The following SVOP variants were observed in gnomAD, a reference collection of about 807,000 sequenced individuals.
The protein encoded by SVOP is SV2 related protein, also known as synaptic vesicle 2-related protein.
Under a neutral mutation model 69.1 loss-of-function variants are expected in SVOP, and 17 were observed. The ratio of observed to expected loss-of-function variants is 0.25; its 90% CI spans 0.17 to 0.37. The LOEUF is 0.37. Among genes scored for constraint, SVOP ranks in the 10% least tolerant of loss-of-function variants. The pLI is 1.00. For synonymous variants in SVOP, 238 were observed against 238.6 expected (o/e 1.00, Z 0.02); for missense variants, 435 against 597.5 (o/e 0.73, Z 2.84).
chr12:108,969,083 C>A (rs36197215), intron 5 of SVOP, among the ~76,000 whole-genome samples: 23,600 of 151,846 alleles, frequency 0.16, 2,227 homozygotes, highest in African/African-American at 0.25. Flanking sequence ...CCACTCCTGG[C>A]CTCCTTTGAT....
At chr12:108,988,088 AT>A (rs76929861) in intron 1 of SVOP, among the ~76,000 whole-genome samples, 5 of 150,438 alleles carry the variant, frequency 3.3e-5, no homozygotes, top group Non-Finnish European at 7.4e-5. Flanking sequence ...TGCCTGACTA[AT>A]TTTTTTTTCT....
At chr12:108,940,296 G>C (rs959235345) in intron 8 of SVOP, among the ~76,000 whole-genome samples, 1 of 152,140 alleles carries the variant, frequency 6.6e-6, no homozygotes, top group African/African-American at 2.4e-5. Flanking sequence ...TCAAGCATGT[G>C]CCCATGAAAT....
At chr12:108,937,008 G>A in intron 10 of SVOP, 1 of 460,630 alleles carries the variant, frequency 2.2e-6, no homozygotes, top group Non-Finnish European at 4.0e-6. Context: ...GCTGCAGTAA[G>A]CTAGGAGAGC....
At chr12:108,985,088 A>G (rs1382403583) in intron 1 of SVOP, among the ~76,000 whole-genome samples, 8 of 151,962 alleles carry the variant, frequency 5.3e-5, no homozygotes, top group African/African-American at 1.7e-4. Flanking sequence ...TTAGTTGGAC[A>G]TGGTGGTGTG....
chr12:108,970,760 A>G lies in SVOP; in HGVS notation c.453+1645T>C, dbSNP rs565352591. Among the ~76,000 whole-genome samples the G allele has an allele frequency of 3.9e-5, 6 of 152,304 alleles. No individual in the cohort carries two copies. The South Asian group carries it at 1.2e-3, about 32-fold the overall frequency. ...ATTCACACAGTGGCTCACATCTGTAATCCCAGCACTTTGGGAGGCTGAGGT... is the reference window on the plus strand; with the variant it reads ...ATTCACACAGTGGCTCACATCTGTAGTCCCAGCACTTTGGGAGGCTGAGGT... On this transcript the variant is annotated intron_variant, in intron 5 of 15. Coordinates refer to ENST00000610966, the MANE Select transcript of SVOP (RefSeq NM_018711.5).
intron 6 of SVOP, among the ~76,000 whole-genome samples, chr12:108,946,901 G>A (rs991860543): frequency 2.0e-5 from 3 of 151,606 alleles, no homozygotes; most frequent in Admixed American, 1.3e-4. Context: ...GTATTTTTTG[G>A]TAGAGACGGG....
At chr12:108,931,893 A>G (rs1016249672) in intron 11 of SVOP, among the ~76,000 whole-genome samples, 5 of 152,120 alleles carry the variant, frequency 3.3e-5, no homozygotes, top group Non-Finnish European at 7.4e-5. Flanking sequence ...TGGAGAGCCA[A>G]CTTGGTCCTC....
At chr12:108,974,057 T>A (rs988698972) in intron 4 of SVOP, among the ~76,000 whole-genome samples, 2 of 152,224 alleles carry the variant, frequency 1.3e-5, no homozygotes, top group Middle Eastern at 3.2e-3. Flanking sequence ...ACACGCAATT[T>A]GGAGAGCGTT....
Position 108,912,112 on chromosome 12 carries a change from C to A in SVOP, c.*423G>T. The A allele has an allele frequency of 1.1e-6, 1 of 917,220 alleles. No individual in the cohort carries two copies. The highest frequency in any genetic ancestry group is 1.3e-6 in the Non-Finnish European group (1 of 761,292). 56.8% of individuals were successfully genotyped at this position (917,220 alleles called of 1,614,324 possible). A position where few individuals can be genotyped will look rare whatever the true frequency, so the allele number is the denominator to read the frequency against. ...CCTGGGGCTGTGAGTGTGGGAGAAA[C>A]CTACTGAACAGGTCCGGTGGGTGGA... On this transcript the variant is annotated 3_prime_UTR_variant, in exon 16 of 16. Coordinates refer to ENST00000610966, the MANE Select transcript of SVOP (RefSeq NM_018711.5).
chr12:109,005,197 G>C (rs2040299121), intron 1 of SVOP, among the ~76,000 whole-genome samples: 1 of 152,186 alleles, frequency 6.6e-6, no homozygotes, highest in Admixed American at 6.5e-5. Flanking sequence ...TGGTCCATCG[G>C]AGTAGACAAG....
At chr12:108,997,621 G>T (rs1181676254) in intron 1 of SVOP, among the ~76,000 whole-genome samples, 1 of 151,534 alleles carries the variant, frequency 6.6e-6, no homozygotes. Context: ...TCTGAGAACG[G>T]GCAGACTGCC....
intron 3 of SVOP, chr12:108,978,295 ACAT>A: frequency 2.8e-6 from 1 of 362,342 alleles, no homozygotes; most frequent in South Asian, 4.7e-5. Flanking sequence ...TCTACAGCTG[ACAT>A]CATAATCTCA....
chr12:108,990,660 AAAAATAAAAT>A (rs201104613), intron 1 of SVOP, among the ~76,000 whole-genome samples: 42 of 150,884 alleles, frequency 2.8e-4, no homozygotes, highest in Non-Finnish European at 4.3e-4. Flanking sequence ...AAGTATAATA[AAAAATAAAAT>A]AAAATAAAAT....
intron 1 of SVOP, among the ~76,000 whole-genome samples, chr12:109,013,877 T>G (rs1160412142): frequency 2.0e-5 from 3 of 152,192 alleles, no homozygotes; most frequent in Non-Finnish European, 4.4e-5. Context: ...AACCACCATT[T>G]TACTTTCTGT....
chr12:108,986,979 T>C (rs895720717), intron 1 of SVOP, among the ~76,000 whole-genome samples: 2 of 152,212 alleles, frequency 1.3e-5, no homozygotes, highest in Non-Finnish European at 2.9e-5. Context: ...ATTCTTTTTC[T>C]ACTGTGGTAA....
At chr12:108,943,918 G>A (rs1467617555) in intron 7 of SVOP, among the ~76,000 whole-genome samples, 1 of 149,120 alleles carries the variant, frequency 6.7e-6, no homozygotes, top group Non-Finnish European at 1.5e-5. Context: ...GTCTTGCTCT[G>A]TCGCCTAGGC....
At chr12:108,961,642 T>A (rs1173437136) in intron 5 of SVOP, among the ~76,000 whole-genome samples, 2 of 152,174 alleles carry the variant, frequency 1.3e-5, no homozygotes, top group African/African-American at 4.8e-5. Flanking sequence ...GGTTTATCTA[T>A]GAATACACTG....
chr12:109,011,268 A>G (rs973156660), intron 1 of SVOP, among the ~76,000 whole-genome samples: 2 of 150,198 alleles, frequency 1.3e-5, no homozygotes, highest in African/African-American at 4.9e-5. Flanking sequence ...TGAAACACAC[A>G]TTTCTTAAGT....
chr12:108,985,314 AAAAAAGG>A (rs2040160909), intron 1 of SVOP, among the ~76,000 whole-genome samples: 1 of 70,416 alleles, frequency 1.4e-5, no homozygotes, highest in Non-Finnish European at 3.0e-5. Flanking sequence ...AGAAAGAAAT[AAAAAAGG>A]AAGGAAGGAA....
Sources: gnomAD v4.1 joint callset for allele counts (sites outside exome capture counted in the v4.1 genomes callset) on GRCh38, gnomAD v4.1.1 for gene constraint, MANE v1.5 for transcripts, NCBI Gene and HGNC (gene_info 2026-07-23, HGNC 2026-07-21) for gene names.